Variants in NEGR1 observed in about 807,000 individuals in gnomAD.
NEGR1 encodes the protein neuronal growth regulator 1, also known as IgLON family member 4.
Under a neutral mutation model 40.9 loss-of-function variants are expected in NEGR1, and 10 were observed. The ratio of observed to expected loss-of-function variants is 0.24; its 90% confidence interval spans 0.15 to 0.42. NEGR1 has a LOEUF of 0.42. Among genes scored for constraint, NEGR1 ranks in the 10% least tolerant of loss-of-function variants. The pLI is 1.00. For missense variants in NEGR1, 352 were observed against 438.9 expected (o/e 0.80, Z 1.77); for synonymous variants, 185 against 166.8 (o/e 1.11, Z -0.84).
chr1:71,572,069 G>A (rs1376359350), intron 6 of NEGR1, among the ~76,000 whole-genome samples: 1 of 152,058 alleles, frequency 6.6e-6, no homozygotes, highest in Non-Finnish European at 1.5e-5. Flanking sequence ...ATTAGCCTTT[G>A]TCTTTTATAT....
intron 4 of NEGR1, among the ~76,000 whole-genome samples, chr1:71,679,417 T>C (rs1192657180): frequency 6.6e-6 from 1 of 152,178 alleles, no homozygotes; most frequent in East Asian, 1.9e-4. Context: ...TTCATTTTAA[T>C]AATCTTTTTT....
chr1:71,844,887 G>C (rs1206691101), intron 2 of NEGR1, among the ~76,000 whole-genome samples: 2 of 152,138 alleles, frequency 1.3e-5, no homozygotes, highest in African/African-American at 4.8e-5. Context: ...TCCTTGAACA[G>C]ACAGGCCTGC....
At chr1:72,017,507 A>T (rs1020849708) in intron 1 of NEGR1, among the ~76,000 whole-genome samples, 3 of 150,254 alleles carry the variant, frequency 2.0e-5, no homozygotes, top group Non-Finnish European at 4.4e-5. Flanking sequence ...ATAAAAAAAT[A>T]AAAAATTGAG....
At chr1:72,007,807 T>A (rs1256433053) in intron 1 of NEGR1, among the ~76,000 whole-genome samples, 1 of 152,188 alleles carries the variant, frequency 6.6e-6, no homozygotes, top group Admixed American at 6.6e-5. Flanking sequence ...TAATTTCAGT[T>A]CTTTATTCAT....
intron 3 of NEGR1, among the ~76,000 whole-genome samples, chr1:71,729,687 T>G (rs888012147): frequency 6.6e-6 from 1 of 152,130 alleles, no homozygotes; most frequent in East Asian, 1.9e-4. Flanking sequence ...CAGGCTGGAG[T>G]GCAGTGGTGC....
At chr1:71,859,767 T>C (rs1398192591) in intron 2 of NEGR1, among the ~76,000 whole-genome samples, 1 of 152,064 alleles carries the variant, frequency 6.6e-6, no homozygotes, top group Non-Finnish European at 1.5e-5. Context: ...TAGTTCACTG[T>C]TTTATCACCA....
At chr1:71,550,467 A>T (rs746230182) in intron 6 of NEGR1, among the ~76,000 whole-genome samples, 85 of 148,110 alleles carry the variant, frequency 5.7e-4, no homozygotes, top group Non-Finnish European at 1.0e-3. Context: ...TTACTTACCC[A>T]TTTTTTTTTT....
rs117941021 is a variant in NEGR1 at position 72,231,200 on chromosome 1, T to G, written c.176+51119A>C. On this transcript the variant is annotated intron_variant, in intron 1 of 6. Coordinates refer to ENST00000357731, the MANE Select transcript of NEGR1 (RefSeq NM_173808.3). ...CTCCTTCAGACTGACTCCTGAAGAT[T>G]GCTGTCAACAGCTTCCATAGCTTCT... Among the ~76,000 whole-genome samples the G allele has an allele frequency of 4.2e-3, 634 of 152,316 alleles. 12 individuals are homozygous for G. Among genetic ancestry groups the G allele is most frequent in the Admixed American group, 0.034 (514 of 15,278 alleles).
chr1:72,004,002 T>C (rs961937484), intron 1 of NEGR1, among the ~76,000 whole-genome samples: 1 of 152,076 alleles, frequency 6.6e-6, no homozygotes. Flanking sequence ...ATATATATTT[T>C]CTCACATTTA....
At chr1:72,215,349 G>A (rs1258280464) in intron 1 of NEGR1, among the ~76,000 whole-genome samples, 1 of 152,034 alleles carries the variant, frequency 6.6e-6, no homozygotes, top group Non-Finnish European at 1.5e-5. Flanking sequence ...GGCAACAAAA[G>A]CCAAAATTGA....
intron 6 of NEGR1, among the ~76,000 whole-genome samples, chr1:71,531,723 C>A (rs138123941): frequency 6.6e-6 from 1 of 151,322 alleles, no homozygotes; most frequent in African/African-American, 2.4e-5. Flanking sequence ...TTAAATAGAC[C>A]ACTCAATATG....
At chr1:71,987,915 C>A (rs192191178) in intron 1 of NEGR1, among the ~76,000 whole-genome samples, 25 of 138,574 alleles carry the variant, frequency 1.8e-4, no homozygotes, top group Non-Finnish European at 3.8e-4. Flanking sequence ...GAAAGAGGAG[C>A]CCTTCATTCA....
chr1:71,594,091 G>A (rs918642666), intron 5 of NEGR1, among the ~76,000 whole-genome samples: 4 of 152,106 alleles, frequency 2.6e-5, no homozygotes, highest in Non-Finnish European at 5.9e-5. Context: ...GTATTCAGGT[G>A]ATGTTCCCCC....
At chr1:71,835,862 C>A (rs1392749965) in intron 2 of NEGR1, among the ~76,000 whole-genome samples, 1 of 151,998 alleles carries the variant, frequency 6.6e-6, no homozygotes, top group Non-Finnish European at 1.5e-5. Context: ...TAGTGAGATA[C>A]TAAAAAGATT....
At chr1:71,942,459 A>ATATATATATATATATATC (rs1553123463) in intron 1 of NEGR1, among the ~76,000 whole-genome samples, 25 of 6,406 alleles carry the variant, frequency 3.9e-3, no homozygotes, top group African/African-American at 0.011. Flanking sequence ...TTAAATCTAT[A>ATATATATATATATATATC]TATATATATA....
intron 1 of NEGR1, among the ~76,000 whole-genome samples, chr1:72,220,597 A>G (rs1255078867): frequency 2.0e-5 from 3 of 152,088 alleles, no homozygotes; most frequent in Non-Finnish European, 4.4e-5. Flanking sequence ...ATTATAACCA[A>G]ATTTGTGATA....
chr1:71,941,205 T>A (rs946335031), intron 1 of NEGR1, among the ~76,000 whole-genome samples: 4 of 152,078 alleles, frequency 2.6e-5, no homozygotes, highest in African/African-American at 9.7e-5. Context: ...CAGAACCCCA[T>A]AAAATCTCCA....
chr1:72,154,394 A>G (rs1651282268), intron 1 of NEGR1, among the ~76,000 whole-genome samples: 1 of 151,824 alleles, frequency 6.6e-6, no homozygotes, highest in Non-Finnish European at 1.5e-5. Context: ...TGTTCTCAGA[A>G]CCTCTTCCAA....
intron 2 of NEGR1, among the ~76,000 whole-genome samples, chr1:71,796,947 G>T (rs529793976): frequency 1.3e-5 from 2 of 152,206 alleles, no homozygotes; most frequent in East Asian, 3.9e-4. Flanking sequence ...TAACGGTAGG[G>T]ACTATGGGTT....
Sources: allele counts gnomAD v4.1 joint callset (sites outside exome capture counted in the v4.1 genomes callset), GRCh38; gene constraint gnomAD v4.1.1; transcripts MANE v1.5; gene names NCBI Gene and HGNC (gene_info 2026-07-23, HGNC 2026-07-21).